The following PTPRM variants were observed in gnomAD, a reference collection of about 807,000 sequenced individuals.
The protein encoded by PTPRM is protein tyrosine phosphatase receptor type M.
In PTPRM, 47 loss-of-function variants were observed where a neutral mutation model predicts 186.7. That is an observed-to-expected ratio of 0.25 (90% CI 0.20 to 0.32). The LOEUF is 0.32. PTPRM is among the 10% of genes least tolerant of loss of function. The pLI is 1.00. For missense variants in PTPRM, 1,494 were observed against 1,865.0 expected, an observed-to-expected ratio of 0.80 and a Z score of 3.66; for synonymous variants, 668 against 674.9, an observed-to-expected ratio of 0.99 and a Z score of 0.16.
At chr18:8,026,761 G>A (rs1187839838) in intron 7 of PTPRM, among the ~76,000 whole-genome samples, 1 of 152,112 alleles carries the variant, frequency 6.6e-6, no homozygotes, top group African/African-American at 2.4e-5. Context: ...GGGAGGCTGA[G>A]GCAGGAGAAT....
At chr18:7,717,354 A>T (rs1206326193) in intron 1 of PTPRM, among the ~76,000 whole-genome samples, 1 of 151,922 alleles carries the variant, frequency 6.6e-6, no homozygotes, top group Non-Finnish European at 1.5e-5. Flanking sequence ...TTGATGGTGT[A>T]ACTTCGAAGA....
intron 14 of PTPRM, among the ~76,000 whole-genome samples, chr18:8,239,041 A>T (rs1355897593): frequency 6.7e-6 from 1 of 149,866 alleles, no homozygotes; most frequent in Non-Finnish European, 1.5e-5. Context: ...CATGTGCACA[A>T]TGTGCAGGTT....
At chr18:7,625,031 C>T (rs544785250) in intron 1 of PTPRM, among the ~76,000 whole-genome samples, 3 of 152,274 alleles carry the variant, frequency 2.0e-5, no homozygotes, top group African/African-American at 7.2e-5. Flanking sequence ...AAAATGATCA[C>T]TTTTTGCCTC....
intron 17 of PTPRM, among the ~76,000 whole-genome samples, chr18:8,249,889 C>T (rs2147356942): frequency 6.6e-6 from 1 of 152,166 alleles, no homozygotes; most frequent in South Asian, 2.1e-4. Context: ...TCATGTATGG[C>T]TTATATAGGT....
chr18:8,376,477 G>T lies in PTPRM; in HGVS notation c.3342G>T (p.Arg1114Ser). 1 of 1,614,114 alleles carries T rather than the reference G, an allele frequency of 6.2e-7. No individual in the cohort carries two copies. Among genetic ancestry groups the T allele is most frequent in the South Asian group, 1.1e-5 (1 of 91,070 alleles). Reference sequence around the variant, plus strand: ...TTTCATTCAGTGCTGGTGCAGGGAGGACTGGCTGTTTCATCGTCATTGATA... The same window carrying T: ...TTTCATTCAGTGCTGGTGCAGGGAGTACTGGCTGTTTCATCGTCATTGATA... ...LVVHCSAGAGRTGCFIVIDIM... is the reference protein window; with the variant it reads ...LVVHCSAGAGSTGCFIVIDIM... Residue 1114 changes from arginine to serine, a missense_variant, in exon 26 of 33, where the codon AGG becomes AGT. By Grantham distance (110) the Arg-to-Ser change is moderately radical. Coordinates refer to ENST00000580170, the MANE Select transcript of PTPRM (RefSeq NM_001105244.2).
chr18:8,323,645 C>T (rs1355656158), intron 22 of PTPRM, among the ~76,000 whole-genome samples: 9 of 152,098 alleles, frequency 5.9e-5, no homozygotes, highest in Admixed American at 5.9e-4. Flanking sequence ...ACTTAGCCTT[C>T]ATCTTGCCAT....
chr18:7,842,947 T>TATATAGAGAGAGAG (rs370746043), intron 2 of PTPRM, among the ~76,000 whole-genome samples: 39 of 112,110 alleles, frequency 3.5e-4, no homozygotes, highest in African/African-American at 1.3e-3. Flanking sequence ...TATATATATA[T>TATATAGAGAGAGAG]AGAGAGAGAG....
intron 2 of PTPRM, among the ~76,000 whole-genome samples, chr18:7,783,754 G>GTGTA (rs1172947762): frequency 3.6e-5 from 5 of 140,288 alleles, no homozygotes; most frequent in African/African-American, 1.4e-4. Flanking sequence ...AATTTTGTGT[G>GTGTA]TGTGTGTGTG....
rs374658778 is a variant in PTPRM, at chr18:7,809,566, G to T, written c.196+35295G>T. Among the ~76,000 whole-genome samples the T allele has an allele frequency of 3.9e-5, 6 of 152,064 alleles. No individual in the cohort carries two copies. The East Asian group carries it at 1.2e-3, about 29-fold the overall frequency. Reference sequence around the variant, plus strand: ...GATAACTCTGCCTCTGTAGCTCCTCGGTCCTCCACGTGGCCACTGCCCCTC... The same window carrying T: ...GATAACTCTGCCTCTGTAGCTCCTCTGTCCTCCACGTGGCCACTGCCCCTC... On this transcript the variant is annotated intron_variant, in intron 2 of 32. Coordinates refer to ENST00000580170, the MANE Select transcript of PTPRM (RefSeq NM_001105244.2).
chr18:7,951,997 C>A (rs2052990931), intron 6 of PTPRM, among the ~76,000 whole-genome samples: 2 of 152,108 alleles, frequency 1.3e-5, no homozygotes, highest in South Asian at 4.1e-4. Context: ...ATTGACTAAC[C>A]ATCACTCTCA....
intron 14 of PTPRM, among the ~76,000 whole-genome samples, chr18:8,163,657 C>T (rs2093271188): frequency 6.6e-6 from 1 of 152,102 alleles, no homozygotes; most frequent in African/African-American, 2.4e-5. Flanking sequence ...TTATGAGTAC[C>T]TAAGTAGAAT....
At chr18:7,748,556 G>T (rs932228153) in intron 1 of PTPRM, among the ~76,000 whole-genome samples, 3 of 152,202 alleles carry the variant, frequency 2.0e-5, no homozygotes, top group Non-Finnish European at 4.4e-5. Context: ...GAGCAGAGCT[G>T]CCAAATCAGC....
chr18:7,618,178 T>G (rs1038488088), intron 1 of PTPRM, among the ~76,000 whole-genome samples: 2 of 152,184 alleles, frequency 1.3e-5, no homozygotes, highest in Admixed American at 1.3e-4. Flanking sequence ...CAAAAAACTT[T>G]TCTGGAAGTG....
intron 20 of PTPRM, among the ~76,000 whole-genome samples, chr18:8,296,676 G>T (rs2095100298): frequency 6.6e-6 from 1 of 152,100 alleles, no homozygotes; most frequent in African/African-American, 2.4e-5. Flanking sequence ...TAGATTTAAG[G>T]TTTGGGTAAC....
chr18:7,953,270 A>G (rs1217248219), intron 6 of PTPRM, among the ~76,000 whole-genome samples: 3 of 152,170 alleles, frequency 2.0e-5, no homozygotes, highest in African/African-American at 7.2e-5. Context: ...TTTGCCCCTG[A>G]GTTTCATTTT....
At chr18:8,292,181 T>C (rs2095049999) in intron 19 of PTPRM, among the ~76,000 whole-genome samples, 1 of 152,220 alleles carries the variant, frequency 6.6e-6, no homozygotes, top group Non-Finnish European at 1.5e-5. Flanking sequence ...AACTAAAAAT[T>C]TAAACAATTG....
chr18:7,714,084 C>T (rs747870361), intron 1 of PTPRM, among the ~76,000 whole-genome samples: 10 of 152,162 alleles, frequency 6.6e-5, no homozygotes, highest in Admixed American at 1.3e-4. Context: ...CTCAGCACCA[C>T]GTTGCACTTA....
At chr18:8,387,313 T>C (rs2095782084) in intron 31 of PTPRM, 78 bp downstream of exon 31, 1 of 1,406,456 alleles carries the variant, frequency 7.1e-7, no homozygotes. Flanking sequence ...CTCTGACTTT[T>C]GTTTCACTAG....
chr18:7,672,548 C>A (rs2039241809), intron 1 of PTPRM, among the ~76,000 whole-genome samples: 1 of 152,134 alleles, frequency 6.6e-6, no homozygotes, highest in Non-Finnish European at 1.5e-5. Context: ...CAACTTCAAA[C>A]CACATTTTAA....
Sources: gnomAD v4.1 joint callset for allele counts (sites outside exome capture counted in the v4.1 genomes callset) on GRCh38, gnomAD v4.1.1 for gene constraint, MANE v1.5 for transcripts, NCBI Gene and HGNC (gene_info 2026-07-23, HGNC 2026-07-21) for gene names.